Variants in ANXA10 observed in about 807,000 individuals in gnomAD.
ANXA10 encodes the protein annexin 14.
In ANXA10, 49 loss-of-function variants were observed where a neutral mutation model predicts 53.5. That is an observed-to-expected ratio of 0.92 (90% CI 0.73 to 1.16). The LOEUF is 1.16. Among genes scored for constraint, ANXA10 ranks in the 50% most tolerant of loss-of-function variants. The probability of loss-of-function intolerance (pLI) is 0.00; values close to 1 mark genes in which losing one functional copy is unlikely to be tolerated. For synonymous variants in ANXA10, 131 were observed against 128.9 expected, an observed-to-expected ratio of 1.02 and a Z score of -0.11; for missense variants, 393 against 394.4, an observed-to-expected ratio of 1.00 and a Z score of 0.03.
At position 168,155,794 on chromosome 4, in the gene ANXA10, A is replaced by ATATCATATATG. The variant is rs1560783750; in HGVS notation, c.196-6734_196-6733insTATCATATATG. 2.4e-3 allele frequency among the ~76,000 whole-genome samples: 60 copies of ATATCATATATG among 25,048 alleles called. 9 individuals carry two copies. The highest frequency in any genetic ancestry group is 0.02 in the East Asian group (18 of 882). The allele number at this position is 25,048 out of a possible 152,430, so 16.4% of individuals were successfully genotyped here. A position where few individuals can be genotyped will look rare whatever the true frequency, so the allele number is the denominator to read the frequency against. ...ATATCATATATTATATATTATATAT[A>ATATCATATATG]ATATATAATATATGATATATTATAT... On this transcript the variant is annotated intron_variant, in intron 3 of 11. Transcript: ENST00000359299.
At chr4:168,147,753 C>T (rs985016798) in intron 3 of ANXA10, among the ~76,000 whole-genome samples, 3 of 152,216 alleles carry the variant, frequency 2.0e-5, no homozygotes, top group Admixed American at 6.5e-5. Context: ...TGGACACCTG[C>T]ATCCAACAGA....
At chr4:168,128,212 T>A (rs764622611) in intron 2 of ANXA10, 47 bp downstream of exon 2, 2 of 1,504,426 alleles carry the variant, frequency 1.3e-6, no homozygotes, top group Admixed American at 3.4e-5. Flanking sequence ...TATTTTTTGC[T>A]TTACCTTGTT....
chr4:168,176,922 T>G (rs889237212), intron 6 of ANXA10, among the ~76,000 whole-genome samples: 2 of 151,796 alleles, frequency 1.3e-5, no homozygotes, highest in African/African-American at 4.8e-5. Flanking sequence ...ATTGCTTGAG[T>G]CCAGGAGGTC....
At chr4:168,123,746 T>C (rs548001241) in intron 1 of ANXA10, among the ~76,000 whole-genome samples, 7 of 152,256 alleles carry the variant, frequency 4.6e-5, no homozygotes, top group Admixed American at 1.3e-4. Context: ...CATGTTATTT[T>C]TTTTTCACCC....
rs1731642625 is a variant in ANXA10 at position 168,155,926 on chromosome 4, ATAT to A, written c.196-6598_196-6596del. 2.4e-5 allele frequency among the ~76,000 whole-genome samples: 2 copies of A among 84,216 alleles called. 1 individual carries two copies. The highest frequency in any genetic ancestry group is 5.2e-5 in the Non-Finnish European group (2 of 38,816). 55.2% of individuals were successfully genotyped at this position (84,216 alleles called of 152,430 possible). A position where few individuals can be genotyped will look rare whatever the true frequency, so the allele number is the denominator to read the frequency against. ...TATCATATATTATATTATATATCAT[ATAT>A]TATATGTTATATATAATATATGATA... On this transcript the variant is annotated intron_variant, in intron 3 of 11. Coordinates refer to ENST00000359299, the MANE Select transcript of ANXA10 (RefSeq NM_007193.5).
At chr4:168,137,619 A>C (rs188434105) in intron 2 of ANXA10, among the ~76,000 whole-genome samples, 1 of 152,142 alleles carries the variant, frequency 6.6e-6, no homozygotes, top group Admixed American at 6.5e-5. Flanking sequence ...ATTCTTTTTT[A>C]TAGCTGAGTA....
intron 6 of ANXA10, among the ~76,000 whole-genome samples, chr4:168,175,468 G>A (rs976042678): frequency 2.0e-5 from 3 of 152,166 alleles, no homozygotes; most frequent in African/African-American, 7.2e-5. Context: ...AGTCAGAAAT[G>A]CCACTGATAT....
At chr4:168,155,503 A>G (rs1335533115) in intron 3 of ANXA10, among the ~76,000 whole-genome samples, 1 of 25,482 alleles carries the variant, frequency 3.9e-5, no homozygotes, top group African/African-American at 2.4e-4. Context: ...ATATAATTAT[A>G]TATTATAAAA....
At chr4:168,156,283 A>ATATAT (rs368190065) in intron 3 of ANXA10, among the ~76,000 whole-genome samples, 1 of 60,108 alleles carries the variant, frequency 1.7e-5, no homozygotes, top group Non-Finnish European at 3.0e-5. Context: ...ATATAATAGT[A>ATATAT]TATATTATAT....
intron 1 of ANXA10, chr4:168,127,686 C>A (rs1204231450): frequency 9.7e-6 from 4 of 412,356 alleles, no homozygotes; most frequent in Admixed American, 3.3e-5. Flanking sequence ...ATGAACTCAA[C>A]CAAATTTTCT....
chr4:168,169,685 G>A (rs1297162047), intron 6 of ANXA10, among the ~76,000 whole-genome samples: 1 of 152,152 alleles, frequency 6.6e-6, no homozygotes, highest in East Asian at 1.9e-4. Context: ...CTTAATGAAA[G>A]GGCTGACATG....
At chr4:168,099,882 A>G (rs1368954408) in intron 1 of ANXA10, among the ~76,000 whole-genome samples, 1 of 152,092 alleles carries the variant, frequency 6.6e-6, no homozygotes. Flanking sequence ...TCTCAGAATC[A>G]CTGGGTTACA....
intron 1 of ANXA10, among the ~76,000 whole-genome samples, chr4:168,114,480 A>T (rs942600010): frequency 6.6e-6 from 1 of 152,244 alleles, no homozygotes; most frequent in African/African-American, 2.4e-5. Flanking sequence ...AGGAACATGC[A>T]GCCAGCACAT....
intron 1 of ANXA10, among the ~76,000 whole-genome samples, chr4:168,093,973 C>T (rs921151556): frequency 1.3e-5 from 2 of 151,922 alleles, no homozygotes; most frequent in African/African-American, 4.8e-5. Context: ...TATTTCACTA[C>T]AGAGAAAAAA....
At chr4:168,157,963 G>A (rs1428841781) in intron 3 of ANXA10, among the ~76,000 whole-genome samples, 1 of 152,136 alleles carries the variant, frequency 6.6e-6, no homozygotes, top group Non-Finnish European at 1.5e-5. Context: ...TAATAGGAAT[G>A]CATTTGATGG....
chr4:168,130,844 CTCTCTG>C (rs1731145323), intron 2 of ANXA10, among the ~76,000 whole-genome samples: 1 of 151,602 alleles, frequency 6.6e-6, no homozygotes, highest in African/African-American at 2.4e-5. Flanking sequence ...ATCTCTCTCT[CTCTCTG>C]TCTCTGTCTC....
intron 3 of ANXA10, among the ~76,000 whole-genome samples, chr4:168,146,098 G>A (rs920760907): frequency 3.3e-5 from 5 of 152,042 alleles, no homozygotes; most frequent in Non-Finnish European, 5.9e-5. Flanking sequence ...CAGTAGGGAC[G>A]GGGTTTCACC....
intron 3 of ANXA10, among the ~76,000 whole-genome samples, chr4:168,150,329 C>G (rs1426447871): frequency 6.6e-6 from 1 of 152,184 alleles, no homozygotes; most frequent in Non-Finnish European, 1.5e-5. Context: ...GCGAAAATAT[C>G]TGTAAAATGA....
chr4:168,117,358 C>T (rs992370143), intron 1 of ANXA10, among the ~76,000 whole-genome samples: 15 of 152,170 alleles, frequency 9.9e-5, no homozygotes, highest in Non-Finnish European at 1.8e-4. Flanking sequence ...AAAATAACTC[C>T]TTTTAAAAAT....
Sources: allele counts gnomAD v4.1 joint callset (sites outside exome capture counted in the v4.1 genomes callset), GRCh38; gene constraint gnomAD v4.1.1; transcripts MANE v1.5; gene names NCBI Gene and HGNC (gene_info 2026-07-23, HGNC 2026-07-21).